Variants in ADORA2B observed in about 807,000 individuals in gnomAD.
The protein encoded by ADORA2B is adenosine A2b receptor.
A neutral mutation model predicts 20.8 loss-of-function variants in ADORA2B; 18 were observed. The ratio of observed to expected loss-of-function variants is 0.87; its 90% CI spans 0.60 to 1.29. The LOEUF is 1.29. ADORA2B is among the 50% of genes most tolerant of loss of function. The pLI, the probability that ADORA2B is intolerant of heterozygous loss-of-function variation, is 0.00. For synonymous variants in ADORA2B, 179 were observed against 178.3 expected, an observed-to-expected ratio of 1.00 and a Z score of -0.03; for missense variants, 441 against 422.7, an observed-to-expected ratio of 1.04 and a Z score of -0.38.
the ADORA2B span, among the ~76,000 whole-genome samples, chr17:15,926,239 G>T: frequency 6.6e-6 from 1 of 152,098 alleles, no homozygotes; most frequent in African/African-American, 2.4e-5. Context: ...AGAACAGTAA[G>T]TGAGACAAAC....
chr17:15,965,015 G>C (rs188085686), intron 1 of ADORA2B, among the ~76,000 whole-genome samples: 2 of 152,102 alleles, frequency 1.3e-5, no homozygotes, highest in Non-Finnish European at 2.9e-5. Flanking sequence ...AGCCGAGATC[G>C]TGCCACTGCG....
the ADORA2B span, among the ~76,000 whole-genome samples, chr17:15,857,867 T>C: frequency 6.6e-6 from 1 of 151,996 alleles, no homozygotes; most frequent in Non-Finnish European, 1.5e-5. Context: ...ACCGGCTTCT[T>C]TGACTTAGCA....
chr17:15,855,275 T>C, the ADORA2B span, among the ~76,000 whole-genome samples: 1 of 151,900 alleles, frequency 6.6e-6, no homozygotes, highest in Admixed American at 6.6e-5. Context: ...CTGGGGTAGG[T>C]ACTATTTATA....
the ADORA2B span, among the ~76,000 whole-genome samples, chr17:15,934,565 T>A: frequency 6.6e-3 from 1,011 of 152,248 alleles, 2 homozygotes; most frequent in Non-Finnish European, 1.0e-2. Flanking sequence ...ATTTCTCCAT[T>A]GTTGACTTCT....
At chr17:15,888,616 T>G in the ADORA2B span, among the ~76,000 whole-genome samples, 1 of 124,612 alleles carries the variant, frequency 8.0e-6, no homozygotes, top group Middle Eastern at 3.7e-3. Flanking sequence ...GTAAAAACAT[T>G]AAGGTCTGCC....
chr17:15,866,589 G>T, the ADORA2B span, among the ~76,000 whole-genome samples: 4 of 151,534 alleles, frequency 2.6e-5, no homozygotes, highest in African/African-American at 4.8e-5. Flanking sequence ...TTGCTTTTAA[G>T]AATTCTTTAT....
chr17:15,962,410 T>C (rs1357006014), intron 1 of ADORA2B, among the ~76,000 whole-genome samples: 3 of 152,248 alleles, frequency 2.0e-5, no homozygotes, highest in African/African-American at 7.2e-5. Context: ...CATTCTTCTG[T>C]AAAGACAAGC....
intron 1 of ADORA2B, among the ~76,000 whole-genome samples, chr17:15,958,475 C>G (rs61478648): frequency 0.029 from 4,357 of 152,310 alleles, 211 homozygotes; most frequent in African/African-American, 0.098. Context: ...CTGAAATGAA[C>G]CCCTGTGTGC....
intron 1 of ADORA2B, among the ~76,000 whole-genome samples, chr17:15,971,427 A>G (rs543253639): frequency 2.0e-5 from 3 of 152,214 alleles, no homozygotes; most frequent in Non-Finnish European, 4.4e-5. Flanking sequence ...CCCATGATTG[A>G]GCTGCCTGTT....
chr17:15,895,611 C>G, the ADORA2B span, among the ~76,000 whole-genome samples: 8 of 152,132 alleles, frequency 5.3e-5, no homozygotes, highest in Non-Finnish European at 1.2e-4. Context: ...ATGGCAGCCA[C>G]CAACCACATG....
At chr17:15,881,836 TTG>T in the ADORA2B span, among the ~76,000 whole-genome samples, 2 of 152,246 alleles carry the variant, frequency 1.3e-5, no homozygotes, top group African/African-American at 4.8e-5. Context: ...GTGGTTTTCC[TTG>T]TGTCTTCCAG....
At chr17:15,964,914 A>G (rs899067244) in intron 1 of ADORA2B, among the ~76,000 whole-genome samples, 11 of 151,994 alleles carry the variant, frequency 7.2e-5, no homozygotes, top group African/African-American at 2.7e-4. Context: ...ACAAAAAATT[A>G]GCCCGTGTGG....
At chr17:15,954,996 TCTTA>T (rs1673590018) in intron 1 of ADORA2B, among the ~76,000 whole-genome samples, 1 of 152,144 alleles carries the variant, frequency 6.6e-6, no homozygotes, top group Non-Finnish European at 1.5e-5. Context: ...AAATGGTAAC[TCTTA>T]CTTTTTTTTT....
the ADORA2B span, among the ~76,000 whole-genome samples, chr17:15,870,759 G>A: frequency 6.6e-6 from 1 of 152,226 alleles, no homozygotes; most frequent in Non-Finnish European, 1.5e-5. Context: ...TCTGTTTCTT[G>A]TCTTTTTTGA....
chr17:15,921,974 T>G, the ADORA2B span, among the ~76,000 whole-genome samples: 3 of 152,128 alleles, frequency 2.0e-5, no homozygotes, highest in Non-Finnish European at 4.4e-5. Context: ...CAAGGAAGGG[T>G]GGGAAATCTA....
At chr17:15,924,608 T>C in the ADORA2B span, among the ~76,000 whole-genome samples, 3 of 151,928 alleles carry the variant, frequency 2.0e-5, no homozygotes, top group Admixed American at 6.6e-5. Context: ...GGTGTGGTGG[T>C]GGATGCCTGT....
In ADORA2B at chr17:15,945,237, G is replaced by A. The variant is rs1597842769; in HGVS notation, c.-12G>A. 1 of 1,408,744 alleles carries A rather than the reference G, an allele frequency of 7.1e-7. No individual in the cohort carries two copies. Among genetic ancestry groups the A allele is most frequent in the South Asian group, 1.5e-5 (1 of 64,626 alleles). 87.3% of individuals were successfully genotyped at this position (1,408,744 alleles called of 1,614,324 possible). ...TTCGGTAGGGGGCGCCCGGGGCCCA[G>A]CTGGCCCGGCCATGCTGCTGGAGAC... is the stretch of plus-strand genomic sequence containing the variant. On this transcript the variant is annotated 5_prime_UTR_variant, in exon 1 of 2. Transcript: ENST00000304222.
intron 1 of ADORA2B, among the ~76,000 whole-genome samples, chr17:15,954,711 GAGCT>G (rs757513615): frequency 3.3e-5 from 5 of 152,224 alleles, no homozygotes; most frequent in Admixed American, 6.5e-5. Context: ...AGGCTGCAGT[GAGCT>G]GCATTCACAC....
the ADORA2B span, among the ~76,000 whole-genome samples, chr17:15,886,150 G>C: frequency 1.8e-4 from 27 of 152,184 alleles, no homozygotes; most frequent in African/African-American, 6.0e-4. Context: ...CAGTGTCCAA[G>C]AACCTCTCAG....
Sources: gnomAD v4.1 joint callset for allele counts (sites outside exome capture counted in the v4.1 genomes callset) on GRCh38, gnomAD v4.1.1 for gene constraint, MANE v1.5 for transcripts, NCBI Gene and HGNC (gene_info 2026-07-23, HGNC 2026-07-21) for gene names.